The following NR6A1 variants were observed in gnomAD, a reference collection of about 807,000 sequenced individuals.
NR6A1 encodes the protein retinoic acid receptor-related testis-associated receptor.
A neutral mutation model predicts 59.1 loss-of-function variants in NR6A1; 7 were observed. The ratio of observed to expected loss-of-function variants is 0.12; its 90% CI spans 0.07 to 0.22. The LOEUF (loss-of-function observed/expected upper bound fraction) is 0.22. Ranked by LOEUF, NR6A1 falls within the 10% of genes least tolerant of loss-of-function variation. The pLI, the probability that NR6A1 is intolerant of heterozygous loss-of-function variation, is 1.00. For synonymous variants in NR6A1, 243 were observed against 236.1 expected, an observed-to-expected ratio of 1.03 and a Z score of -0.27; for missense variants, 468 against 611.6, an observed-to-expected ratio of 0.77 and a Z score of 2.48.
intron 2 of NR6A1, among the ~76,000 whole-genome samples, chr9:124,605,581 C>CA (rs1209668963): frequency 6.6e-6 from 1 of 151,990 alleles, no homozygotes; most frequent in Admixed American, 6.6e-5. Flanking sequence ...GACTCTGCCT[C>CA]AAAAAACAAA....
chr9:124,729,922 C>G (rs1032824341), intron 2 of NR6A1, among the ~76,000 whole-genome samples: 1 of 151,496 alleles, frequency 6.6e-6, no homozygotes, highest in Non-Finnish European at 1.5e-5. Flanking sequence ...AAGCAATTCT[C>G]CTGCCTCAGC....
chr9:124,576,579 G>A (rs1168392392), intron 2 of NR6A1, among the ~76,000 whole-genome samples: 1 of 151,902 alleles, frequency 6.6e-6, no homozygotes, highest in African/African-American at 2.4e-5. Context: ...GAACCACCGC[G>A]CCCAGCCAAG....
chr9:124,707,832 G>C (rs1228396174), intron 2 of NR6A1, among the ~76,000 whole-genome samples: 2 of 152,154 alleles, frequency 1.3e-5, no homozygotes, highest in Non-Finnish European at 2.9e-5. Flanking sequence ...CTCCATTAAA[G>C]ATTAGTCAGA....
At chr9:124,667,919 C>A (rs181197044) in intron 2 of NR6A1, among the ~76,000 whole-genome samples, 12 of 152,258 alleles carry the variant, frequency 7.9e-5, no homozygotes, top group African/African-American at 2.9e-4. Flanking sequence ...CTGCTGTCAA[C>A]ATTTGAGAAA....
intron 2 of NR6A1, among the ~76,000 whole-genome samples, chr9:124,655,481 T>A (rs1382428327): frequency 6.6e-6 from 1 of 152,176 alleles, no homozygotes; most frequent in Non-Finnish European, 1.5e-5. Context: ...CTAATTCACA[T>A]TTTTTCCAAC....
chr9:124,529,012 T>C (rs1465655766), intron 7 of NR6A1, among the ~76,000 whole-genome samples: 1 of 152,222 alleles, frequency 6.6e-6, no homozygotes, highest in East Asian at 1.9e-4. Flanking sequence ...TGACTGCACA[T>C]GCAATCTGGA....
intron 3 of NR6A1, among the ~76,000 whole-genome samples, chr9:124,550,510 G>A (rs549545914): frequency 1.8e-4 from 27 of 149,706 alleles, no homozygotes; most frequent in African/African-American, 4.7e-4. Context: ...ACATGCCACC[G>A]CGCCAGCTAA....
At chr9:124,546,237 T>C (rs1383504334) in intron 3 of NR6A1, among the ~76,000 whole-genome samples, 1 of 152,212 alleles carries the variant, frequency 6.6e-6, no homozygotes, top group Non-Finnish European at 1.5e-5. Flanking sequence ...AAAGTATTAG[T>C]ATCACTCCCA....
chr9:124,558,266 T>G (rs1198247559), intron 2 of NR6A1, among the ~76,000 whole-genome samples: 1 of 152,130 alleles, frequency 6.6e-6, no homozygotes, highest in Non-Finnish European at 1.5e-5. Flanking sequence ...CATGATAGTT[T>G]TAAAAGGCCA....
intron 4 of NR6A1, among the ~76,000 whole-genome samples, chr9:124,542,527 G>C (rs913750651): frequency 5.3e-5 from 8 of 152,042 alleles, no homozygotes; most frequent in African/African-American, 1.9e-4. Context: ...ACTATTATCT[G>C]TATCTCTTGC....
rs184985273 is a variant in NR6A1 at position 124,580,718 on chromosome 9, G to A, written c.143-26148C>T. Reference sequence around the variant, plus strand: ...GCCTGTAATCCCAGTTACTCAGGGGGCTAAGGCAGGAGAATCGCTTGAACC... The same window carrying A: ...GCCTGTAATCCCAGTTACTCAGGGGACTAAGGCAGGAGAATCGCTTGAACC... On this transcript the variant is annotated intron_variant, in intron 2 of 9. Coordinates refer to ENST00000487099, the MANE Select transcript of NR6A1 (RefSeq NM_033334.4). Among the ~76,000 whole-genome samples the A allele has an allele frequency of 2.1e-3, 318 of 152,262 alleles. 1 individual carries two copies. Among genetic ancestry groups the A allele is most frequent in the Non-Finnish European group, 3.2e-3 (216 of 68,008 alleles).
chr9:124,551,843 T>C (rs1833787203), intron 3 of NR6A1, among the ~76,000 whole-genome samples: 1 of 152,226 alleles, frequency 6.6e-6, no homozygotes, highest in South Asian at 2.1e-4. Flanking sequence ...CACAGGTCCA[T>C]ACAGAACATT....
chr9:124,771,129 C>T lies in NR6A1; in HGVS notation c.-10G>A. On this transcript the variant is annotated 5_prime_UTR_variant, in exon 1 of 10. Transcript: ENST00000487099. ...GTTCGTCCCGCTCCATGCGGTGGTG[C>T]CTAGGGTCCGCGCCGGGTTTGTTGC... The T allele has an allele frequency of 1.6e-6, 2 of 1,221,584 alleles. No homozygotes were observed. Among genetic ancestry groups the T allele is most frequent in the Non-Finnish European group, 2.0e-6 (2 of 978,602 alleles). The allele number at this position is 1,221,584 out of a possible 1,614,324, so 75.7% of individuals were successfully genotyped here.
rs1034956060 is a variant in NR6A1, at chr9:124,683,220, GAAGGGA to G, written c.142+50082_142+50087del. 6.2e-5 allele frequency among the ~76,000 whole-genome samples: 9 copies of G among 144,396 alleles called. No individual in the cohort carries two copies. In the East Asian group the frequency reaches 1.2e-3, roughly 20 times the overall value. The allele number at this position is 144,396 out of a possible 152,430, so 94.7% of individuals were successfully genotyped here. Reference sequence around the variant, plus strand: ...CTCCAAGACAGAAAAGAAAAGAAAGGAAGGGAAAGGGAAAGGGAAAAGGAAAAGGAA... The same window carrying G: ...CTCCAAGACAGAAAAGAAAAGAAAGGAAGGGAAAGGGAAAAGGAAAAGGAA... On this transcript the variant is annotated intron_variant, in intron 2 of 9. Coordinates refer to ENST00000487099, the MANE Select transcript of NR6A1 (RefSeq NM_033334.4).
chr9:124,657,816 T>C (rs775059581), intron 2 of NR6A1, among the ~76,000 whole-genome samples: 1 of 151,742 alleles, frequency 6.6e-6, no homozygotes, highest in African/African-American at 2.4e-5. Flanking sequence ...TAAAAAGACA[T>C]AAAGCTTCTT....
At chr9:124,528,279 G>A (rs550438880) in intron 7 of NR6A1, among the ~76,000 whole-genome samples, 16 of 152,268 alleles carry the variant, frequency 1.1e-4, no homozygotes, top group Middle Eastern at 3.4e-3. Context: ...AGTACCAAGG[G>A]GAGCCTCAGC....
chr9:124,753,326 A>G (rs1840556634), intron 1 of NR6A1, among the ~76,000 whole-genome samples: 1 of 152,102 alleles, frequency 6.6e-6, no homozygotes, highest in African/African-American at 2.4e-5. Context: ...TTTTCATTAA[A>G]TTTTTTTCAT....
chr9:124,566,087 C>T (rs888397662), intron 2 of NR6A1, among the ~76,000 whole-genome samples: 15 of 152,214 alleles, frequency 9.9e-5, no homozygotes, highest in Admixed American at 2.6e-4. Flanking sequence ...AGATGGTATG[C>T]GTTCAACAAT....
intron 7 of NR6A1, among the ~76,000 whole-genome samples, chr9:124,528,173 G>A (rs1195782793): frequency 6.6e-6 from 1 of 152,164 alleles, no homozygotes; most frequent in East Asian, 1.9e-4. Flanking sequence ...AACTTTGAAG[G>A]CTTTGCAGGC....
Sources: allele counts gnomAD v4.1 joint callset (sites outside exome capture counted in the v4.1 genomes callset), GRCh38; gene constraint gnomAD v4.1.1; transcripts MANE v1.5; gene names NCBI Gene and HGNC (gene_info 2026-07-23, HGNC 2026-07-21).